NEDD4L: variants seen among roughly 807,000 people sequenced by gnomAD.
The protein encoded by NEDD4L is E3 ubiquitin-protein ligase NEDD4-like.
A neutral mutation model predicts 148.9 loss-of-function variants in NEDD4L; 54 were observed. That is an observed-to-expected ratio of 0.36 (90% CI 0.29 to 0.45). The LOEUF is 0.45. Ranked by LOEUF, NEDD4L falls within the 20% of genes least tolerant of loss-of-function variation. NEDD4L has a pLI of 1.00. For synonymous variants in NEDD4L, 433 were observed against 440.7 expected (o/e 0.98, Z 0.22); for missense variants, 856 against 1,233.8 (o/e 0.69, Z 4.59).
chr18:58,243,274 T>C (rs1021940706), intron 2 of NEDD4L, among the ~76,000 whole-genome samples: 1 of 152,230 alleles, frequency 6.6e-6, no homozygotes, highest in Non-Finnish European at 1.5e-5. Flanking sequence ...TGCACGTGTG[T>C]TCTGCATGCA....
At chr18:58,257,766 A>C (rs925474365) in intron 5 of NEDD4L, among the ~76,000 whole-genome samples, 1 of 152,126 alleles carries the variant, frequency 6.6e-6, no homozygotes, top group Non-Finnish European at 1.5e-5. Context: ...AAGTTTAATC[A>C]GTTTGGTTTC....
At chr18:58,144,256 C>A (rs1003742017) in intron 1 of NEDD4L, among the ~76,000 whole-genome samples, 1 of 152,108 alleles carries the variant, frequency 6.6e-6, no homozygotes, top group Non-Finnish European at 1.5e-5. Flanking sequence ...ATACAGGATG[C>A]ATGATGCTGA....
chr18:58,048,865 T>A (rs11663290), intron 1 of NEDD4L, among the ~76,000 whole-genome samples: 23,647 of 152,180 alleles, frequency 0.16, 2,055 homozygotes, highest in African/African-American at 0.23. Context: ...TTCTGTTGTC[T>A]TAGGGGTCTT....
intron 2 of NEDD4L, among the ~76,000 whole-genome samples, chr18:58,174,196 G>A (rs1008974602): frequency 9.2e-5 from 14 of 152,104 alleles, no homozygotes; most frequent in Admixed American, 3.9e-4. Flanking sequence ...GCAGTCAGGT[G>A]CTTCTCTCCT....
chr18:58,315,869 A>T, intron 5 of NEDD4L, 113 bp from the exon 6 acceptor site: 2 of 955,220 alleles, frequency 2.1e-6, no homozygotes. Context: ...CGCCCTCCAC[A>T]TTCCAGTGCC....
intron 5 of NEDD4L, among the ~76,000 whole-genome samples, chr18:58,265,987 A>G (rs1473122631): frequency 6.6e-6 from 1 of 152,110 alleles, no homozygotes. Context: ...TTTGTTGGAT[A>G]TGACATTTAT....
chr18:58,308,919 C>A (rs1400121462), intron 5 of NEDD4L, among the ~76,000 whole-genome samples: 4 of 152,224 alleles, frequency 2.6e-5, no homozygotes, highest in Non-Finnish European at 5.9e-5. Flanking sequence ...TGAGCGGAAC[C>A]CTTCTGCTGG....
intron 10 of NEDD4L, among the ~76,000 whole-genome samples, chr18:58,329,582 C>T (rs1601325504): frequency 1.3e-5 from 2 of 152,062 alleles, no homozygotes; most frequent in East Asian, 3.9e-4. Flanking sequence ...GTCTCAATCT[C>T]CTGACCTCGA....
intron 2 of NEDD4L, among the ~76,000 whole-genome samples, chr18:58,223,795 A>G (rs1186654344): frequency 2.0e-5 from 3 of 152,326 alleles, no homozygotes; most frequent in East Asian, 1.9e-4. Flanking sequence ...GTTGGCCTTC[A>G]GGGCAATGGC....
intron 21 of NEDD4L, chr18:58,367,110 C>T (rs1386899677): frequency 6.6e-6 from 1 of 152,328 alleles, no homozygotes; most frequent in East Asian, 1.9e-4. Context: ...CTCTTCTCCA[C>T]ATTTTCAAAG....
In NEDD4L at chr18:58,398,156, C is replaced by CAAAAAAAAAAAAAAAAA. The variant is rs1490371231; in HGVS notation, c.*1887_*1888insAAAAAAAAAAAAAAAAA. The CAAAAAAAAAAAAAAAAA allele has an allele frequency of 6.5e-5, 1 of 15,314 alleles. No homozygotes were observed. The highest frequency in any genetic ancestry group is 2.4e-4 in the African/African-American group (1 of 4,242). 0.9% of individuals were successfully genotyped at this position (15,314 alleles called of 1,614,324 possible). A position where few individuals can be genotyped will look rare whatever the true frequency, so the allele number is the denominator to read the frequency against. Reference sequence around the variant, plus strand: ...ATCAGAAAACTTAGATGCTATGTAACTAAAAAAAAAAAAAAAAAAAAAAAA... The same window carrying CAAAAAAAAAAAAAAAAA: ...ATCAGAAAACTTAGATGCTATGTAACAAAAAAAAAAAAAAAAATAAAAAAAAAAAAAAAAAAAAAAAA... On this transcript the variant is annotated 3_prime_UTR_variant, in exon 31 of 31. Transcript: ENST00000400345.
At chr18:58,315,510 A>AT (rs1319748963) in intron 5 of NEDD4L, among the ~76,000 whole-genome samples, 2 of 151,860 alleles carry the variant, frequency 1.3e-5, no homozygotes, top group African/African-American at 4.8e-5. Flanking sequence ...AAAAGTGTGT[A>AT]TTTTTTTGTG....
intron 5 of NEDD4L, among the ~76,000 whole-genome samples, chr18:58,278,100 T>TA (rs565011761): frequency 1.6e-4 from 24 of 148,794 alleles, no homozygotes; most frequent in South Asian, 4.2e-4. Flanking sequence ...TTTTTACAAT[T>TA]AAAAAAAAAA....
At chr18:58,045,335 C>T (rs561809117) in intron 1 of NEDD4L, 1 of 393,872 alleles carries the variant, frequency 2.5e-6, no homozygotes, top group African/African-American at 2.1e-5. Context: ...GGCAGGTGCT[C>T]CTGGAAACTT....
chr18:58,205,061 C>T (rs2041841959), intron 2 of NEDD4L, among the ~76,000 whole-genome samples: 1 of 152,226 alleles, frequency 6.6e-6, no homozygotes, highest in African/African-American at 2.4e-5. Context: ...CCATCAAATA[C>T]ATTTTATCCA....
At position 58,330,909 on chromosome 18, in the gene NEDD4L, T is replaced by C. The variant is rs1261865278; in HGVS notation, c.985T>C (p.Leu329=). 6.2e-7 allele frequency: 1 copy of C among 1,613,162 alleles called. No individual in the cohort carries two copies. Among genetic ancestry groups the C allele is most frequent in the Non-Finnish European group, 8.5e-7 (1 of 1,179,348 alleles). Residue 329 remains leucine (L), a synonymous_variant, in exon 11 of 31, where the codon TTG becomes CTG. Coordinates refer to ENST00000400345, the MANE Select transcript of NEDD4L (RefSeq NM_001144967.3). ...CTCCAATGGGGAACAGTTCAGCTCTTTGATTGTAAGTAGTGGCCTTGTTTG... is the reference window on the plus strand; with the variant it reads ...CTCCAATGGGGAACAGTTCAGCTCTCTGATTGTAAGTAGTGGCCTTGTTTG... ...PDSNGEQFSS[L]IQREPSSRLR...
chr18:58,104,045 A>G (rs1332026448), intron 1 of NEDD4L, among the ~76,000 whole-genome samples: 1 of 152,268 alleles, frequency 6.6e-6, no homozygotes, highest in Non-Finnish European at 1.5e-5. Flanking sequence ...CAGCCCAGTT[A>G]TCCATCAGTG....
At chr18:58,348,326 CTTTTTTTTTT>C in intron 16 of NEDD4L, among the ~76,000 whole-genome samples, 1 of 88,646 alleles carries the variant, frequency 1.1e-5, no homozygotes, top group Non-Finnish European at 2.0e-5. Context: ...TCTTTTTTTT[CTTTTTTTTTT>C]TTTTTTTTTT....
intron 5 of NEDD4L, among the ~76,000 whole-genome samples, chr18:58,309,863 T>C (rs2057482376): frequency 6.6e-6 from 1 of 152,104 alleles, no homozygotes; most frequent in South Asian, 2.1e-4. Context: ...CACAGCCAAG[T>C]ACCTGGAGCC....
Sources: gnomAD v4.1 joint callset for allele counts (sites outside exome capture counted in the v4.1 genomes callset) on GRCh38, gnomAD v4.1.1 for gene constraint, MANE v1.5 for transcripts, NCBI Gene and HGNC (gene_info 2026-07-23, HGNC 2026-07-21) for gene names.